The following SPSB1 variants were observed in gnomAD, a reference collection of about 807,000 sequenced individuals.
SPSB1 encodes the protein splA/ryanodine receptor domain and SOCS box containing 1.
SPSB1 carries 8 observed loss-of-function variants against 21.2 expected under a neutral mutation model. The observed-to-expected ratio is 0.38, with a 90% confidence interval of 0.22 to 0.68. The LOEUF (loss-of-function observed/expected upper bound fraction) is 0.68. Among genes scored for constraint, SPSB1 ranks in the 30% least tolerant of loss-of-function variants. The probability of loss-of-function intolerance (pLI) is 0.53; values close to 1 mark genes in which losing one functional copy is unlikely to be tolerated. For synonymous variants in SPSB1, 169 were observed against 161.7 expected (o/e 1.05, Z -0.34); for missense variants, 242 against 377.8 (o/e 0.64, Z 2.98).
chr1:9,332,204 T>A (rs1213231378), intron 1 of SPSB1, among the ~76,000 whole-genome samples: 1 of 143,960 alleles, frequency 6.9e-6, no homozygotes, highest in Non-Finnish European at 1.5e-5. Context: ...AAAAAAAAAA[T>A]CTCAATGAGA....
intron 2 of SPSB1, among the ~76,000 whole-genome samples, chr1:9,364,240 A>C (rs1640520213): frequency 6.6e-6 from 1 of 152,238 alleles, no homozygotes; most frequent in Admixed American, 6.5e-5. Context: ...GCCCTGATGC[A>C]GGCCAGATGC....
chr1:9,340,791 A>T (rs1640078524), intron 1 of SPSB1, among the ~76,000 whole-genome samples: 3 of 152,386 alleles, frequency 2.0e-5, no homozygotes, highest in Admixed American at 2.0e-4. Context: ...CAGCTTGCAG[A>T]GGAAATACCT....
At chr1:9,316,046 G>A (rs943901494) in intron 1 of SPSB1, among the ~76,000 whole-genome samples, 1 of 152,196 alleles carries the variant, frequency 6.6e-6, no homozygotes, top group African/African-American at 2.4e-5. Context: ...GGGACCAGGT[G>A]CCCAAGGTCA....
intron 1 of SPSB1, 132 bp from the exon 2 acceptor site, chr1:9,355,610 GC>G (rs1640348763): frequency 9.7e-7 from 1 of 1,031,320 alleles, no homozygotes; most frequent in African/African-American, 1.7e-5. Flanking sequence ...GCTCCAGCCT[GC>G]CCGTGTCAGG....
chr1:9,299,760 T>A (rs1246897067), intron 1 of SPSB1, among the ~76,000 whole-genome samples: 1 of 152,060 alleles, frequency 6.6e-6, no homozygotes, highest in Non-Finnish European at 1.5e-5. Context: ...ATTACAGGCA[T>A]GAGCCACTGC....
intron 1 of SPSB1, among the ~76,000 whole-genome samples, chr1:9,319,294 G>A (rs868199973): frequency 3.3e-5 from 5 of 152,206 alleles, no homozygotes; most frequent in Non-Finnish European, 7.3e-5. Context: ...TGTGGGCTGC[G>A]GGTCAGCATG....
intron 2 of SPSB1, among the ~76,000 whole-genome samples, chr1:9,362,905 C>T (rs998994648): frequency 2.6e-5 from 4 of 152,236 alleles, no homozygotes; most frequent in African/African-American, 4.8e-5. Context: ...AATGAATGAG[C>T]GCCTAAGCTT....
chr1:9,304,206 C>T (rs981411988), intron 1 of SPSB1, among the ~76,000 whole-genome samples: 1 of 152,146 alleles, frequency 6.6e-6, no homozygotes, highest in Non-Finnish European at 1.5e-5. Context: ...GGACTCATAC[C>T]ATTGGTCCCC....
intron 1 of SPSB1, among the ~76,000 whole-genome samples, chr1:9,326,725 G>A (rs773785036): frequency 2.6e-5 from 4 of 152,200 alleles, no homozygotes; most frequent in Admixed American, 6.5e-5. Context: ...ATCATCAGCC[G>A]TCTTCCCTCC....
At chr1:9,314,641 A>G (rs1361519169) in intron 1 of SPSB1, among the ~76,000 whole-genome samples, 4 of 152,216 alleles carry the variant, frequency 2.6e-5, no homozygotes, top group African/African-American at 9.6e-5. Flanking sequence ...CCCTCAGCCA[A>G]ACTGGGGCAT....
intron 1 of SPSB1, among the ~76,000 whole-genome samples, chr1:9,314,988 A>G (rs1372100125): frequency 2.6e-5 from 4 of 152,250 alleles, no homozygotes; most frequent in Non-Finnish European, 5.9e-5. Flanking sequence ...TTTTGAAGTC[A>G]AGAATCCAGA....
chr1:9,338,724 A>G (rs572068625), intron 1 of SPSB1, among the ~76,000 whole-genome samples: 207 of 152,050 alleles, frequency 1.4e-3, no homozygotes, highest in African/African-American at 4.8e-3. Context: ...TTGAGGTCTG[A>G]GGGGGCGTCA....
At position 9,356,712 on chromosome 1, in the gene SPSB1, A is replaced by T; in HGVS notation, c.694+127A>T. The T allele has an allele frequency of 7.1e-7, 1 of 1,414,396 alleles. No individual in the cohort carries two copies. The highest frequency in any genetic ancestry group is 9.2e-7 in the Non-Finnish European group (1 of 1,082,336). 87.6% of individuals were successfully genotyped at this position (1,414,396 alleles called of 1,614,324 possible). A position where few individuals can be genotyped will look rare whatever the true frequency, so the allele number is the denominator to read the frequency against. On this transcript the variant is annotated intron_variant, in intron 2 of 2. Coordinates refer to ENST00000328089, the MANE Select transcript of SPSB1 (RefSeq NM_025106.4). The surrounding 1 kb of genome is among the most constrained non-coding windows in gnomAD (Gnocchi z 7.4). ...GAAGACGATATTCCAGTGTATTCAG[A>T]CCCTCAGAGGCAACTTTTGCATCGG...
chr1:9,354,197 G>A (rs776803132), intron 1 of SPSB1, among the ~76,000 whole-genome samples: 8 of 152,280 alleles, frequency 5.3e-5, no homozygotes, highest in African/African-American at 7.2e-5. Flanking sequence ...CTGGATTTCC[G>A]TGTGTCTGGG....
intron 1 of SPSB1, among the ~76,000 whole-genome samples, chr1:9,344,427 C>T (rs1036375798): frequency 6.6e-6 from 1 of 152,164 alleles, no homozygotes; most frequent in Non-Finnish European, 1.5e-5. Context: ...CTGTGGGTCT[C>T]GTGACGGGAC....
intron 1 of SPSB1, among the ~76,000 whole-genome samples, chr1:9,309,299 AGAGTGTGT>A (rs1557447062): frequency 9.2e-6 from 1 of 108,124 alleles, no homozygotes; most frequent in Non-Finnish European, 1.9e-5. Flanking sequence ...AGAGAGAGAG[AGAGTGTGT>A]GTGTGTGTGT....
At chr1:9,326,630 G>A (rs926280017) in intron 1 of SPSB1, among the ~76,000 whole-genome samples, 1 of 152,190 alleles carries the variant, frequency 6.6e-6, no homozygotes, top group Non-Finnish European at 1.5e-5. Context: ...AGGCCTTGCT[G>A]AGGCTCCTGT....
chr1:9,361,504 C>G (rs1640477288), intron 2 of SPSB1, among the ~76,000 whole-genome samples: 1 of 152,184 alleles, frequency 6.6e-6, no homozygotes, highest in East Asian at 1.9e-4. Context: ...GTCTCCCAGC[C>G]CACTGTCCCC....
rs545690644 is a variant in SPSB1, at chr1:9,293,145, G to A, written c.-150+74G>A. The A allele has an allele frequency of 5.3e-5, 52 of 971,972 alleles. No homozygotes were observed. The East Asian group carries it at 5.0e-3, about 93-fold the overall frequency. 60.2% of individuals were successfully genotyped at this position (971,972 alleles called of 1,614,324 possible). ...GGGAGGGGGAGGCGCGGGGGGCCGG[G>A]CGAGGGCGGACGCGGGGATCGCGCC... On this transcript the variant is annotated intron_variant, in intron 1 of 2. Transcript: ENST00000328089. The surrounding 1 kb of genome is among the most constrained non-coding windows in gnomAD (Gnocchi z 5.1).
Sources: gnomAD v4.1 joint callset for allele counts (sites outside exome capture counted in the v4.1 genomes callset) on GRCh38, gnomAD v4.1.1 for gene constraint, Gnocchi (gnomAD v3.1) non-coding constraint, MANE v1.5 for transcripts, NCBI Gene and HGNC (gene_info 2026-07-23, HGNC 2026-07-21) for gene names.